The following MAML2 variants were observed in gnomAD, a reference collection of about 807,000 sequenced individuals.
MAML2 encodes the protein mastermind like transcriptional coactivator 2, also known as mastermind-like protein 2.
Under a neutral mutation model 96.1 loss-of-function variants are expected in MAML2, and 22 were observed. That is an observed-to-expected ratio of 0.23 (90% CI 0.16 to 0.33). The LOEUF is 0.33. MAML2 is among the 10% of genes least tolerant of loss of function. MAML2 has a pLI of 1.00. For missense variants in MAML2, 1,367 were observed against 1,392.4 expected, an observed-to-expected ratio of 0.98 and a Z score of 0.29; for synonymous variants, 561 against 521.3, an observed-to-expected ratio of 1.08 and a Z score of -1.04.
At chr11:96,005,436 G>T (rs1858163776) in intron 2 of MAML2, among the ~76,000 whole-genome samples, 1 of 152,182 alleles carries the variant, frequency 6.6e-6, no homozygotes, top group Admixed American at 6.5e-5. Flanking sequence ...TGCTAGAATA[G>T]TTGAAATTCC....
Position 96,093,413 on chromosome 11 carries a change from A to G in MAML2, c.618T>C (p.Ile206=). The change falls in exon 2 of 5, where the codon ATT becomes ATC. Residue 206 remains isoleucine, a synonymous_variant. Transcript: ENST00000524717. Reference sequence around the variant, plus strand: ...CTGCAGAGAGATTCTCCCCAACACGAATTCTTTTGATATCAAGAAATGAGT... The same window carrying G: ...CTGCAGAGAGATTCTCCCCAACACGGATTCTTTTGATATCAAGAAATGAGT... ...VDNSFLDIKR[I]RVGENLSAGQ... is the part of the protein sequence containing the mutation. 1 of 1,614,032 alleles carries G rather than the reference A, an allele frequency of 6.2e-7. No individual in the cohort carries two copies. The highest frequency in any genetic ancestry group is 8.5e-7 in the Non-Finnish European group (1 of 1,179,890).
At chr11:96,314,795 G>A (rs1863605469) in intron 1 of MAML2, among the ~76,000 whole-genome samples, 1 of 152,144 alleles carries the variant, frequency 6.6e-6, no homozygotes, top group African/African-American at 2.4e-5. Flanking sequence ...CCTTCAAATG[G>A]GTCCAGAGGG....
intron 4 of MAML2, among the ~76,000 whole-genome samples, chr11:95,981,282 G>A (rs1429709472): frequency 1.3e-5 from 2 of 152,196 alleles, no homozygotes; most frequent in African/African-American, 4.8e-5. Context: ...CTAAGCCACA[G>A]GCTGTGTAAT....
intron 1 of MAML2, among the ~76,000 whole-genome samples, chr11:96,116,311 C>T (rs758194519): frequency 1.3e-5 from 2 of 152,142 alleles, no homozygotes; most frequent in Non-Finnish European, 2.9e-5. Flanking sequence ...ACTCAATGTA[C>T]TCTATGCTTC....
rs941597208 is a variant in MAML2 at position 96,342,119 on chromosome 11, A to C, written c.-224T>G. 1.6e-5 allele frequency: 9 copies of C among 545,916 alleles called. No individual in the cohort carries two copies. Among genetic ancestry groups the C allele is most frequent in the African/African-American group, 3.8e-5 (2 of 53,018 alleles). 33.8% of individuals were successfully genotyped at this position (545,916 alleles called of 1,614,324 possible). A position where few individuals can be genotyped will look rare whatever the true frequency, so the allele number is the denominator to read the frequency against. On this transcript the variant is annotated 5_prime_UTR_variant, in exon 1 of 5. Coordinates refer to ENST00000524717, the MANE Select transcript of MAML2 (RefSeq NM_032427.4). Reference sequence around the variant, plus strand: ...ATAGAAACCAACTGGGGGGAGGATAAGTTGGAAACAAACCCTGATTAACTT... The same window carrying C: ...ATAGAAACCAACTGGGGGGAGGATACGTTGGAAACAAACCCTGATTAACTT...
chr11:96,297,906 T>C (rs1257137049), intron 1 of MAML2, among the ~76,000 whole-genome samples: 1 of 152,206 alleles, frequency 6.6e-6, no homozygotes, highest in Non-Finnish European at 1.5e-5. Flanking sequence ...AATCCCTTGG[T>C]ATCCTGTAAA....
At chr11:96,116,215 T>C (rs1025121154) in intron 1 of MAML2, among the ~76,000 whole-genome samples, 1 of 152,198 alleles carries the variant, frequency 6.6e-6, no homozygotes, top group Non-Finnish European at 1.5e-5. Context: ...TGCTTGAAAT[T>C]CTACATGCTT....
At chr11:96,121,210 C>G (rs1398321722) in intron 1 of MAML2, among the ~76,000 whole-genome samples, 3 of 152,202 alleles carry the variant, frequency 2.0e-5, no homozygotes, top group Non-Finnish European at 4.4e-5. Flanking sequence ...ATCTTTGGCC[C>G]TGGGAGACGC....
rs1488867647 is a variant in MAML2, at chr11:96,095,111, C to G, written c.514-1594G>C. Among the ~76,000 whole-genome samples, 3 of 152,048 alleles carry G rather than the reference C, an allele frequency of 2.0e-5. No homozygotes were observed. In the East Asian group the frequency reaches 5.8e-4, roughly 29 times the overall value. On this transcript the variant is annotated intron_variant, in intron 1 of 4. Transcript: ENST00000524717. The stretch of plus-strand genomic sequence containing the variant: ...CACAGCTAGCAAGTGGGCTTTAACT[C>G]AAAGTTTGTGTGGTTCTAAAGCATA...
intron 2 of MAML2, among the ~76,000 whole-genome samples, chr11:96,079,758 T>G (rs1859503087): frequency 6.6e-6 from 1 of 151,376 alleles, no homozygotes; most frequent in Non-Finnish European, 1.5e-5. Flanking sequence ...AATGAGAGAG[T>G]AAACAAACAA....
intron 1 of MAML2, among the ~76,000 whole-genome samples, chr11:96,177,956 G>GTGTGTT (rs1274321239): frequency 8.4e-4 from 119 of 141,504 alleles, no homozygotes; most frequent in Non-Finnish European, 9.3e-4. Flanking sequence ...GTGTGTGTGT[G>GTGTGTT]TTTAAATAAG....
intron 1 of MAML2, among the ~76,000 whole-genome samples, chr11:96,151,445 T>G (rs1591041623): frequency 6.6e-6 from 1 of 152,230 alleles, no homozygotes; most frequent in Non-Finnish European, 1.5e-5. Context: ...TATATCTAAC[T>G]CATATAACCG....
chr11:96,147,171 A>G (rs1354185343), intron 1 of MAML2, among the ~76,000 whole-genome samples: 1 of 152,234 alleles, frequency 6.6e-6, no homozygotes, highest in African/African-American at 2.4e-5. Flanking sequence ...ATAATACTAT[A>G]TATGCTATAC....
At chr11:96,206,922 A>G (rs2135935264) in intron 1 of MAML2, among the ~76,000 whole-genome samples, 1 of 152,238 alleles carries the variant, frequency 6.6e-6, no homozygotes, top group South Asian at 2.1e-4. Flanking sequence ...GGTAAATAAA[A>G]AACAAAAGTT....
chr11:96,087,481 G>C (rs899157272), intron 2 of MAML2, among the ~76,000 whole-genome samples: 10 of 152,166 alleles, frequency 6.6e-5, no homozygotes, highest in African/African-American at 1.9e-4. Flanking sequence ...CTTTTGCCAA[G>C]AGTCAGCCAA....
At chr11:95,996,600 G>A (rs1857993400) in intron 2 of MAML2, among the ~76,000 whole-genome samples, 1 of 152,104 alleles carries the variant, frequency 6.6e-6, no homozygotes, top group South Asian at 2.1e-4. Context: ...TCTAACTCAT[G>A]GGTTTTACCA....
intron 1 of MAML2, among the ~76,000 whole-genome samples, chr11:96,161,304 T>C (rs1244699912): frequency 1.3e-5 from 2 of 152,184 alleles, no homozygotes; most frequent in Non-Finnish European, 2.9e-5. Flanking sequence ...GAAATAGGCA[T>C]TTGAGGGAAA....
At chr11:96,290,825 T>G (rs1007500623) in intron 1 of MAML2, among the ~76,000 whole-genome samples, 3 of 152,172 alleles carry the variant, frequency 2.0e-5, no homozygotes, top group African/African-American at 7.2e-5. Context: ...GGCACTGTGT[T>G]GTAAAGTGGT....
intron 1 of MAML2, among the ~76,000 whole-genome samples, chr11:96,282,126 G>A (rs1473624603): frequency 6.6e-6 from 1 of 151,858 alleles, no homozygotes; most frequent in African/African-American, 2.4e-5. Context: ...GCGGGCCCCT[G>A]TAGTCCAAGC....
Sources: allele counts gnomAD v4.1 joint callset (sites outside exome capture counted in the v4.1 genomes callset), GRCh38; gene constraint gnomAD v4.1.1; transcripts MANE v1.5; gene names NCBI Gene and HGNC (gene_info 2026-07-23, HGNC 2026-07-21).